MICALL2: variants seen among roughly 807,000 people sequenced by gnomAD.
MICALL2 encodes MICAL like 2.
In MICALL2, 111 loss-of-function variants were observed where a neutral mutation model predicts 91.1. The observed-to-expected ratio is 1.22, with a 90% CI of 1.04 to 1.43. The LOEUF (loss-of-function observed/expected upper bound fraction) is 1.43, where lower values mean the gene tolerates loss of function less well. Ranked by LOEUF, MICALL2 falls within the 40% of genes most tolerant of loss-of-function variation. The pLI is 0.00. For missense variants in MICALL2, 1,556 were observed against 1,236.0 expected, an observed-to-expected ratio of 1.26 and a Z score of -3.88; for synonymous variants, 694 against 525.3, an observed-to-expected ratio of 1.32 and a Z score of -4.39.
At chr7:1,446,576 G>A (rs1244384909) in intron 5 of MICALL2, 137 bp downstream of exon 5, 2 of 602,970 alleles carry the variant, frequency 3.3e-6, no homozygotes, top group South Asian at 1.8e-5. Context: ...GAGGGGGAGG[G>A]GGGAGGAGGG....
intron 1 of MICALL2, among the ~76,000 whole-genome samples, chr7:1,453,188 C>T (rs1391491093): frequency 6.6e-6 from 1 of 152,092 alleles, no homozygotes; most frequent in East Asian, 1.9e-4. Flanking sequence ...ACCTCCAATT[C>T]CACCACGTGA....
chr7:1,440,329 T>C (rs1780218890), intron 8 of MICALL2: 3 of 622,174 alleles, frequency 4.8e-6, no homozygotes. Context: ...GACCCACACA[T>C]GGGGAGACTC....
intron 7 of MICALL2, 155 bp from the exon 8 acceptor site, chr7:1,440,839 G>T: frequency 1.6e-6 from 1 of 641,068 alleles, no homozygotes; most frequent in South Asian, 1.7e-5. Context: ...GGAGCACCGG[G>T]CAGGGAGTCA....
intron 1 of MICALL2, among the ~76,000 whole-genome samples, chr7:1,454,752 C>A (rs908521830): frequency 5.9e-5 from 9 of 152,136 alleles, no homozygotes; most frequent in Admixed American, 4.6e-4. Flanking sequence ...GAAGTGAGGG[C>A]ACTGCCTGGG....
In MICALL2 at chr7:1,447,603, T is replaced by TCATTCCTC. The variant is rs1780657803; in HGVS notation, c.489_496dup (p.Glu166GlyfsTer90). 6.3e-7 allele frequency: 1 copy of TCATTCCTC among 1,589,188 alleles called. No homozygotes were observed. Among genetic ancestry groups the TCATTCCTC allele is most frequent in the Admixed American group, 1.7e-5 (1 of 57,146 alleles). ...CTTGGGGGGCGGGCCCCCTGCACCC[T>TCATTCCTC]CATTCCTCCTCTGGACCACAGGGTT... On this transcript the variant is annotated frameshift_variant, in exon 4 of 17. Transcript: ENST00000297508. LOFTEE classifies it high-confidence loss of function.
intron 6 of MICALL2, among the ~76,000 whole-genome samples, chr7:1,444,080 G>A (rs1035843817): frequency 3.5e-5 from 3 of 86,306 alleles, no homozygotes; most frequent in Admixed American, 1.1e-4. Context: ...ACCTGTCCCC[G>A]CGTCCACTCA....
At chr7:1,459,014 G>A (rs928088745) in intron 1 of MICALL2, among the ~76,000 whole-genome samples, 170 bp downstream of exon 1, 4 of 152,156 alleles carry the variant, frequency 2.6e-5, no homozygotes, top group African/African-American at 9.7e-5. Context: ...TCGGTGTCCG[G>A]GCACACTGAG....
chr7:1,442,676 T>C (rs1018976759), intron 6 of MICALL2, among the ~76,000 whole-genome samples, 192 bp from the exon 7 acceptor site: 3 of 130,952 alleles, frequency 2.3e-5, no homozygotes, highest in Non-Finnish European at 5.3e-5. Flanking sequence ...TCCCCCACCA[T>C]TGCACCAGGC....
intron 8 of MICALL2, chr7:1,440,308 G>A (rs562017552): frequency 6.4e-5 from 41 of 638,570 alleles, no homozygotes; most frequent in Middle Eastern, 4.2e-4. Context: ...CGTGAGCTCC[G>A]GGCCCCACGG....
intron 1 of MICALL2, among the ~76,000 whole-genome samples, chr7:1,455,868 G>A (rs1007485710): frequency 6.6e-6 from 1 of 152,058 alleles, no homozygotes; most frequent in African/African-American, 2.4e-5. Flanking sequence ...GTCTTCACTG[G>A]AAGGAGAGGG....
At chr7:1,457,781 C>T (rs1382287901) in intron 1 of MICALL2, among the ~76,000 whole-genome samples, 1 of 152,224 alleles carries the variant, frequency 6.6e-6, no homozygotes, top group African/African-American at 2.4e-5. Context: ...CTCTCCCCAC[C>T]CCAGAGGCTT....
intron 3 of MICALL2, chr7:1,447,993 C>G (rs1562463390): frequency 2.3e-5 from 8 of 343,332 alleles, no homozygotes; most frequent in Admixed American, 5.5e-5. Flanking sequence ...GGAAAAGGGA[C>G]TTTTCTGTTT....
intron 6 of MICALL2, among the ~76,000 whole-genome samples, chr7:1,443,328 G>A (rs533336728): frequency 4.6e-5 from 7 of 152,018 alleles, no homozygotes; most frequent in South Asian, 4.2e-4. Context: ...TGACCACCCC[G>A]GAGGCTCTGA....
chr7:1,448,441 G>A (rs1780690540), intron 3 of MICALL2, among the ~76,000 whole-genome samples, 179 bp downstream of exon 3: 1 of 152,032 alleles, frequency 6.6e-6, no homozygotes, highest in South Asian at 2.1e-4. Context: ...GTTGGGGATG[G>A]GGCGCCCACC....
rs112209516 is a variant in MICALL2, at chr7:1,439,702, G to A, written c.1966+223C>T. 0.011 allele frequency: 4,600 copies of A among 429,062 alleles called. 114 individuals carry two copies. Among genetic ancestry groups the A allele is most frequent in the African/African-American group, 0.059 (2,862 of 48,410 alleles). The allele number at this position is 429,062 out of a possible 1,614,324, so 26.6% of individuals were successfully genotyped here. A position where few individuals can be genotyped will look rare whatever the true frequency, so the allele number is the denominator to read the frequency against. On this transcript the variant is annotated intron_variant, in intron 9 of 16. Transcript: ENST00000297508. ...GTACACATGCGCACACATGCATCAC[G>A]CATGGATACAGGCATCACATACATG...
At chr7:1,443,061 C>T (rs1437789598) in intron 6 of MICALL2, among the ~76,000 whole-genome samples, 2 of 151,700 alleles carry the variant, frequency 1.3e-5, no homozygotes, top group African/African-American at 4.8e-5. Context: ...CCTCCCCACC[C>T]CCGAGCCAGT....
intron 15 of MICALL2, among the ~76,000 whole-genome samples, 158 bp downstream of exon 15, chr7:1,436,584 C>T (rs1195462863): frequency 6.8e-6 from 1 of 146,298 alleles, no homozygotes; most frequent in Non-Finnish European, 1.5e-5. Flanking sequence ...TCAAAAAGTC[C>T]CCGATGGCCA....
At chr7:1,440,813 C>T (rs886901237) in intron 7 of MICALL2, 129 bp from the exon 8 acceptor site, 25 of 745,084 alleles carry the variant, frequency 3.4e-5, no homozygotes, top group Admixed American at 8.7e-5. Context: ...CACAGCCAGC[C>T]GGCCGGGGGG....
At position 1,444,965 on chromosome 7, in the gene MICALL2, G is replaced by C; in HGVS notation, c.1105C>G (p.Pro369Ala). 6.6e-7 allele frequency: 1 copy of C among 1,506,052 alleles called. No individual in the cohort carries two copies. The highest frequency in any genetic ancestry group is 8.9e-7 in the Non-Finnish European group (1 of 1,127,856). The allele number at this position is 1,506,052 out of a possible 1,614,324, so 93.3% of individuals were successfully genotyped here. Residue 369 changes from proline (P) to alanine (A), a missense_variant, in exon 6 of 17, where the codon CCA (proline) becomes GCA (alanine). Coordinates refer to ENST00000297508, the MANE Select transcript of MICALL2 (RefSeq NM_182924.4). ...TGGGGTGTGGCCGGGCGAGGGTCTGGGGCACTCGGGGGCACGGCGGGATGG... is the reference window on the plus strand; with the variant it reads ...TGGGGTGTGGCCGGGCGAGGGTCTGCGGCACTCGGGGGCACGGCGGGATGG... ...ASHPAVPPSA[P>A]DPRPATPQGG...
Sources: gnomAD v4.1 joint callset for allele counts (sites outside exome capture counted in the v4.1 genomes callset) on GRCh38, gnomAD v4.1.1 for gene constraint, MANE v1.5 for transcripts, NCBI Gene and HGNC (gene_info 2026-07-23, HGNC 2026-07-21) for gene names.